The following WDR26 variants were observed in gnomAD, a reference collection of about 807,000 sequenced individuals.
WDR26 encodes WD repeat domain 26.
WDR26 carries 5 observed loss-of-function variants against 84.1 expected under a neutral mutation model. The ratio of observed to expected loss-of-function variants is 0.06; its 90% CI spans 0.03 to 0.13. WDR26 has a LOEUF of 0.13. Among genes scored for constraint, WDR26 ranks in the 10% least tolerant of loss-of-function variants. WDR26 has a pLI of 1.00. For synonymous variants in WDR26, 415 were observed against 389.6 expected, an observed-to-expected ratio of 1.07 and a Z score of -0.77; for missense variants, 642 against 974.9, an observed-to-expected ratio of 0.66 and a Z score of 4.55.
intron 12 of WDR26, among the ~76,000 whole-genome samples, chr1:224,395,974 T>C (rs1673249070): frequency 6.6e-6 from 1 of 152,220 alleles, no homozygotes; most frequent in South Asian, 2.1e-4. Flanking sequence ...TGCTCTATTT[T>C]ATACTGGCAC....
At position 224,433,812 on chromosome 1, in the gene WDR26, G is replaced by C. The variant is rs763076722; in HGVS notation, c.594C>G (p.Thr198=). 6.5e-7 allele frequency: 1 copy of C among 1,536,960 alleles called. No individual in the cohort carries two copies. Among genetic ancestry groups the C allele is most frequent in the South Asian group, 1.2e-5 (1 of 84,026 alleles). ...TGGCCAAGGAAGAGGAGGCGGCGGT[G>C]GTGGCGGAGGCAGCTGCGACGGTGG... is the stretch of plus-strand genomic sequence containing the variant. Residue 198 remains threonine (T), a synonymous_variant, in exon 1 of 14, where the codon ACC becomes ACG. Transcript: ENST00000414423.
In WDR26 at chr1:224,420,932, A is replaced by G. The variant is rs1284480298; in HGVS notation, c.1065-1317T>C. Among the ~76,000 whole-genome samples, 7 of 152,184 alleles carry G rather than the reference A, an allele frequency of 4.6e-5. No homozygotes were observed. The East Asian group carries it at 1.3e-3, about 29-fold the overall frequency. ...CCATTGTGAATATTTTGTTTCTAAAACAACTTTTTTTGGGCAAAGTTTATT... is the reference window on the plus strand; with the variant it reads ...CCATTGTGAATATTTTGTTTCTAAAGCAACTTTTTTTGGGCAAAGTTTATT... On this transcript the variant is annotated intron_variant, in intron 4 of 13. Coordinates refer to ENST00000414423, the MANE Select transcript of WDR26 (RefSeq NM_001379403.1).
At position 224,417,640 on chromosome 1, in the gene WDR26, T is replaced by C. The variant is rs77968637; in HGVS notation, c.1319+620A>G. On this transcript the variant is annotated intron_variant, in intron 6 of 13. Coordinates refer to ENST00000414423, the MANE Select transcript of WDR26 (RefSeq NM_001379403.1). The stretch of plus-strand genomic sequence containing the variant: ...TGGATCACTTGAGCCTAAGGCTATA[T>C]AGTAGCCTATGATCATGCCACTGCA... Among the ~76,000 whole-genome samples, 8 of 152,324 alleles carry C rather than the reference T, an allele frequency of 5.3e-5. No individual in the cohort carries two copies. In the East Asian group the frequency reaches 1.5e-3, roughly 29 times the overall value.
At chr1:224,398,626 A>AT in intron 10 of WDR26, 33 bp from the exon 11 acceptor site, 1 of 1,538,992 alleles carries the variant, frequency 6.5e-7, no homozygotes, top group Non-Finnish European at 8.9e-7. Flanking sequence ...CAAAAACAAC[A>AT]TATTAACAGT....
chr1:224,419,081 A>T (rs1481402211), intron 5 of WDR26, among the ~76,000 whole-genome samples: 1 of 152,248 alleles, frequency 6.6e-6, no homozygotes, highest in Non-Finnish European at 1.5e-5. Context: ...TTACATAAAA[A>T]TACAGCAAAA....
intron 4 of WDR26, among the ~76,000 whole-genome samples, chr1:224,423,620 T>C (rs1558441193): frequency 1.3e-5 from 2 of 152,194 alleles, no homozygotes; most frequent in East Asian, 1.9e-4. Context: ...TGGTGGTACA[T>C]GCCTGAAATC....
intron 1 of WDR26, among the ~76,000 whole-genome samples, chr1:224,432,836 TCCTA>T (rs1167656600): frequency 6.6e-6 from 1 of 152,154 alleles, no homozygotes; most frequent in Non-Finnish European, 1.5e-5. Flanking sequence ...CTCCCACCAA[TCCTA>T]CCTTCCACCC....
intron 9 of WDR26, among the ~76,000 whole-genome samples, chr1:224,400,603 T>C (rs1276920285): frequency 1.3e-5 from 2 of 152,224 alleles, no homozygotes; most frequent in Non-Finnish European, 2.9e-5. Context: ...TGGAGTGCAA[T>C]GGCGCGATCT....
At chr1:224,401,617 T>A (rs1185483432) in intron 8 of WDR26, among the ~76,000 whole-genome samples, 1 of 123,158 alleles carries the variant, frequency 8.1e-6, no homozygotes, top group Non-Finnish European at 1.6e-5. Context: ...GAGGTTGCAG[T>A]GAGCTGAGAT....
At chr1:224,420,232 T>C (rs1346491149) in intron 4 of WDR26, among the ~76,000 whole-genome samples, 1 of 152,240 alleles carries the variant, frequency 6.6e-6, no homozygotes, top group Non-Finnish European at 1.5e-5. Context: ...AACTGTTTTA[T>C]TGCTCACTGT....
chr1:224,428,268 C>T (rs35277713), intron 3 of WDR26, among the ~76,000 whole-genome samples: 27,894 of 152,034 alleles, frequency 0.18, 2,813 homozygotes, highest in Middle Eastern at 0.23. Flanking sequence ...CCAGAAATTA[C>T]GATACTTAGA....
intron 6 of WDR26, 52 bp downstream of exon 6, chr1:224,418,208 A>C (rs1673962134): frequency 1.3e-6 from 2 of 1,515,480 alleles, no homozygotes; most frequent in Non-Finnish European, 1.8e-6. Context: ...AAGAAAACTA[A>C]AATTTTGTAA....
At chr1:224,431,802 A>G in intron 1 of WDR26, 21 bp from the exon 2 acceptor site, 3 of 1,567,434 alleles carry the variant, frequency 1.9e-6, no homozygotes, top group Non-Finnish European at 2.6e-6. Flanking sequence ...GATACAGTGT[A>G]AAACAGACCT....
At chr1:224,401,312 T>C (rs1246226730) in intron 8 of WDR26, among the ~76,000 whole-genome samples, 1 of 152,064 alleles carries the variant, frequency 6.6e-6, no homozygotes, top group Non-Finnish European at 1.5e-5. Flanking sequence ...TATGATGAGA[T>C]AAACTTCAAT....
At chr1:224,421,280 G>A (rs1212696137) in intron 4 of WDR26, among the ~76,000 whole-genome samples, 1 of 152,142 alleles carries the variant, frequency 6.6e-6, no homozygotes, top group African/African-American at 2.4e-5. Context: ...ATGATATTCC[G>A]ATGACAAAGA....
chr1:224,428,430 T>C (rs1400089178), intron 3 of WDR26, among the ~76,000 whole-genome samples: 1 of 152,176 alleles, frequency 6.6e-6, no homozygotes, highest in African/African-American at 2.4e-5. Flanking sequence ...AAACTCCTAT[T>C]TGACTTTAAA....
chr1:224,433,930 A>G lies in WDR26; in HGVS notation c.476T>C (p.Leu159Pro). ...GGCGGCGGAGGGGGCGGAAGGCAGG[A>G]GCCCATTGGCGTGGGCCAGGTCCCC... The change falls in exon 1 of 14, where the codon CTC (leucine) becomes CCC (proline). Residue 159 changes from leucine (L) to proline (P), a missense_variant. Physicochemically the swap from Leu to Pro is moderately conservative, Grantham distance 98 (BLOSUM62 -3). Around this residue, in one of 2 missense-constraint regions of WDR26, gnomAD observed 291 missense variants for 302.1 expected, o/e 0.96. Coordinates refer to ENST00000414423, the MANE Select transcript of WDR26 (RefSeq NM_001379403.1). 3.3e-6 allele frequency: 5 copies of G among 1,535,740 alleles called. No homozygotes were observed. Among genetic ancestry groups the G allele is most frequent in the Non-Finnish European group, 4.4e-6 (5 of 1,146,250 alleles).
chr1:224,426,779 TTTTCA>T (rs771367707), intron 3 of WDR26, among the ~76,000 whole-genome samples: 15 of 152,050 alleles, frequency 9.9e-5, no homozygotes, highest in Non-Finnish European at 1.8e-4. Context: ...ACCTCATATA[TTTTCA>T]TTTATCAATA....
At chr1:224,411,715 T>C (rs1283677104) in intron 6 of WDR26, 150 bp from the exon 7 acceptor site, 1 of 923,906 alleles carries the variant, frequency 1.1e-6, no homozygotes, top group East Asian at 2.7e-5. Context: ...TTTTTTTTTT[T>C]TTTGAGACAG....
Sources: gnomAD v4.1 joint callset for allele counts (sites outside exome capture counted in the v4.1 genomes callset) on GRCh38, gnomAD v4.1.1 for gene constraint, gnomAD v4.1.1 regional missense constraint, MANE v1.5 for transcripts, NCBI Gene and HGNC (gene_info 2026-07-23, HGNC 2026-07-21) for gene names.